TBXAS1: variants seen among roughly 807,000 people sequenced by gnomAD.
TBXAS1 encodes thromboxane A synthase 1, also known as thromboxane-A synthase.
A neutral mutation model predicts 60.7 loss-of-function variants in TBXAS1; 48 were observed. The observed-to-expected ratio is 0.79, with a 90% CI of 0.63 to 1.01. The LOEUF is 1.01. Ranked by LOEUF, TBXAS1 falls within the 50% of genes least tolerant of loss-of-function variation. TBXAS1 has a pLI of 0.00. For synonymous variants in TBXAS1, 287 were observed against 269.7 expected, an observed-to-expected ratio of 1.06 and a Z score of -0.63; for missense variants, 685 against 686.3, an observed-to-expected ratio of 1.00 and a Z score of 0.02.
At chr7:139,780,548 G>A (rs1323826560) in intron 1 of TBXAS1, among the ~76,000 whole-genome samples, 2 of 152,200 alleles carry the variant, frequency 1.3e-5, no homozygotes, top group Non-Finnish European at 2.9e-5. Flanking sequence ...GCTCCCTTGT[G>A]TCCAGCACAA....
intron 4 of TBXAS1, among the ~76,000 whole-genome samples, chr7:139,918,884 A>G (rs184110137): frequency 7.2e-5 from 11 of 152,190 alleles, no homozygotes; most frequent in African/African-American, 2.4e-4. Flanking sequence ...TGTCAAATCT[A>G]TGGCCACCTT....
chr7:139,988,698 G>A (rs1199818762), intron 9 of TBXAS1, among the ~76,000 whole-genome samples: 2 of 152,000 alleles, frequency 1.3e-5, no homozygotes, highest in Admixed American at 6.6e-5. Context: ...ATGGATGCCC[G>A]GGACACATAC....
At chr7:139,993,521 C>T (rs966375381) in intron 9 of TBXAS1, among the ~76,000 whole-genome samples, 16 of 152,216 alleles carry the variant, frequency 1.1e-4, no homozygotes, top group African/African-American at 3.9e-4. Flanking sequence ...GGCCCTGCTG[C>T]CTGGGCCTAG....
At chr7:139,984,858 AAAG>A (rs1440329421) in intron 9 of TBXAS1, among the ~76,000 whole-genome samples, 6 of 150,732 alleles carry the variant, frequency 4.0e-5, no homozygotes, top group Admixed American at 1.3e-4. Flanking sequence ...GAAAAGAAAG[AAAG>A]AAGAAAGAGA....
Position 139,999,583 on chromosome 7 carries a change from G to C in TBXAS1, c.1135-7508G>C, listed in dbSNP as rs1359215158. On this transcript the variant is annotated intron_variant, in intron 9 of 12. Coordinates refer to ENST00000448866, the MANE Select transcript of TBXAS1 (RefSeq NM_001061.7). The surrounding 1 kb of genome is among the most constrained non-coding windows in gnomAD (Gnocchi z 4.3). ...TCTGGTTTATGGTCAGAAGGGCAAA[G>C]CGAAGGTCACCCCATTTTCCACGGC... is the stretch of plus-strand genomic sequence containing the variant. Among the ~76,000 whole-genome samples the C allele has an allele frequency of 5.9e-5, 9 of 152,200 alleles. No individual in the cohort carries two copies. Among genetic ancestry groups the C allele is most frequent in the Non-Finnish European group, 1.3e-4 (9 of 68,044 alleles).
At chr7:139,963,709 A>G (rs1196170262) in intron 9 of TBXAS1, among the ~76,000 whole-genome samples, 1 of 152,258 alleles carries the variant, frequency 6.6e-6, no homozygotes, top group Non-Finnish European at 1.5e-5. Flanking sequence ...TGCAGATAAC[A>G]GAACCCCAAC....
At chr7:139,812,969 A>G (rs900991577) in intron 4 of TBXAS1, among the ~76,000 whole-genome samples, 3 of 152,094 alleles carry the variant, frequency 2.0e-5, no homozygotes, top group Non-Finnish European at 4.4e-5. Context: ...AGGCAGGAGA[A>G]TCGCTTGAAC....
intron 5 of TBXAS1, chr7:139,952,642 C>T (rs771250138): frequency 1.6e-5 from 24 of 1,536,992 alleles, no homozygotes; most frequent in South Asian, 1.4e-4. Context: ...TTGTCGAAGC[C>T]GAGTGGTATC....
rs73158673 is a variant in TBXAS1, at chr7:139,944,512, G to C, written c.450+8205G>C. On this transcript the variant is annotated intron_variant, in intron 5 of 12. Coordinates refer to ENST00000448866, the MANE Select transcript of TBXAS1 (RefSeq NM_001061.7). ...GTGACCTGCTCAGAACTCTGTGTTA[G>C]GAAAAAGGGTTTCATTTCAGCTGTT... Among the ~76,000 whole-genome samples the C allele has an allele frequency of 5.0e-3, 760 of 152,304 alleles. 3 individuals carry two copies. The highest frequency in any genetic ancestry group is 0.013 in the South Asian group (61 of 4,832).
At chr7:139,986,185 C>T (rs1006687670) in intron 9 of TBXAS1, among the ~76,000 whole-genome samples, 1 of 152,174 alleles carries the variant, frequency 6.6e-6, no homozygotes, top group African/African-American at 2.4e-5. Context: ...TAGTGTTATT[C>T]TAAGTGAGGT....
chr7:139,790,476 T>A (rs185801289), intron 4 of TBXAS1, among the ~76,000 whole-genome samples: 3 of 152,340 alleles, frequency 2.0e-5, no homozygotes, highest in Admixed American at 2.0e-4. Flanking sequence ...TTTGGAAAGT[T>A]TTTTCACTTC....
chr7:139,968,749 A>G (rs181347242), intron 9 of TBXAS1, among the ~76,000 whole-genome samples: 24 of 152,254 alleles, frequency 1.6e-4, no homozygotes, highest in East Asian at 7.7e-4. Context: ...AAGTCCCCCA[A>G]TCTCTTGGAG....
chr7:139,991,041 C>T (rs1017472082), intron 9 of TBXAS1, among the ~76,000 whole-genome samples: 16 of 152,176 alleles, frequency 1.1e-4, no homozygotes, highest in Admixed American at 3.3e-4. Flanking sequence ...GCAATTAACA[C>T]GTGCCACTGC....
At chr7:139,934,376 C>T (rs916577937) in intron 4 of TBXAS1, among the ~76,000 whole-genome samples, 10 of 151,894 alleles carry the variant, frequency 6.6e-5, no homozygotes, top group African/African-American at 1.9e-4. Flanking sequence ...TTAGTAGAGA[C>T]GGAGTTTCAC....
At chr7:139,885,074 A>G (rs1346871018) in intron 3 of TBXAS1, among the ~76,000 whole-genome samples, 1 of 152,168 alleles carries the variant, frequency 6.6e-6, no homozygotes, top group Admixed American at 6.5e-5. Flanking sequence ...ACCTGGCTAG[A>G]AAGGAGAGAG....
At chr7:139,897,770 CTG>C (rs1266668468) in intron 3 of TBXAS1, among the ~76,000 whole-genome samples, 7 of 152,316 alleles carry the variant, frequency 4.6e-5, no homozygotes, top group African/African-American at 1.7e-4. Flanking sequence ...CATGAGTACT[CTG>C]AGGGTAACAT....
intron 4 of TBXAS1, among the ~76,000 whole-genome samples, chr7:139,810,200 A>C (rs1797992473): frequency 6.6e-6 from 1 of 151,938 alleles, no homozygotes; most frequent in East Asian, 1.9e-4. Flanking sequence ...CCAATGCCTG[A>C]CTTTTTTTTT....
intron 3 of TBXAS1, among the ~76,000 whole-genome samples, chr7:139,894,895 T>G (rs1278058845): frequency 6.6e-6 from 1 of 152,014 alleles, no homozygotes; most frequent in Non-Finnish European, 1.5e-5. Context: ...CTCCAGAAAA[T>G]GTATCATTCA....
chr7:140,020,034 C>A lies in TBXAS1; in HGVS notation c.1537C>A (p.Gln513Lys). 1 of 1,613,688 alleles carries A rather than the reference C, an allele frequency of 6.2e-7. No homozygotes were observed. The highest frequency in any genetic ancestry group is 8.5e-7 in the Non-Finnish European group (1 of 1,179,888). ...QACPETQVPL[Q>K]LESKSALGPK... ...ATTTTCTCTATTTTAGGTACCGCTG[C>A]AGCTAGAATCCAAATCTGCCCTAGG... Residue 513 changes from glutamine to lysine, a missense_variant, in exon 13 of 13, where the codon CAG becomes AAG. Physicochemically the swap from Gln to Lys is moderately conservative, Grantham distance 53. Coordinates refer to ENST00000448866, the MANE Select transcript of TBXAS1 (RefSeq NM_001061.7).
Sources: gnomAD v4.1 joint callset for allele counts (sites outside exome capture counted in the v4.1 genomes callset) on GRCh38, gnomAD v4.1.1 for gene constraint, Gnocchi (gnomAD v3.1) non-coding constraint, MANE v1.5 for transcripts, NCBI Gene and HGNC (gene_info 2026-07-23, HGNC 2026-07-21) for gene names.